The following MTUS1 variants were observed in gnomAD, a reference collection of about 807,000 sequenced individuals.
MTUS1 encodes the protein microtubule-associated tumor suppressor 1.
MTUS1 carries 109 observed loss-of-function variants against 120.8 expected under a neutral mutation model. That is an observed-to-expected ratio of 0.90 (90% CI 0.77 to 1.06). The LOEUF (loss-of-function observed/expected upper bound fraction) is 1.06. Among genes scored for constraint, MTUS1 ranks in the 50% least tolerant of loss-of-function variants. The pLI, the probability that MTUS1 is intolerant of heterozygous loss-of-function variation, is 0.00. For synonymous variants in MTUS1, 737 were observed against 550.5 expected (o/e 1.34, Z -4.74); for missense variants, 2,210 against 1,486.3 (o/e 1.49, Z -8.01).
chr8:17,793,960 T>A (rs1202679247), intron 1 of MTUS1, among the ~76,000 whole-genome samples: 1 of 151,846 alleles, frequency 6.6e-6, no homozygotes, highest in African/African-American at 2.4e-5. Context: ...AGAAAAGAGG[T>A]CAAATTCTTT....
intron 10 of MTUS1, 98 bp downstream of exon 10, chr8:17,654,463 T>G: frequency 1.1e-6 from 1 of 889,996 alleles, no homozygotes; most frequent in South Asian, 1.5e-5. Flanking sequence ...CCACAGGGCA[T>G]TCGCTGAAGC....
intron 3 of MTUS1, among the ~76,000 whole-genome samples, chr8:17,740,074 G>A (rs890435184): frequency 1.3e-5 from 2 of 152,134 alleles, no homozygotes; most frequent in African/African-American, 4.8e-5. Context: ...GGGCGTGGTG[G>A]TGGGTGCCTG....
At chr8:17,655,523 AGACCAGCCT>A (rs1157199951) in intron 9 of MTUS1, among the ~76,000 whole-genome samples, 1 of 152,164 alleles carries the variant, frequency 6.6e-6, no homozygotes, top group East Asian at 1.9e-4. Context: ...TGGGAGTTTG[AGACCAGCCT>A]GGCCAACATG....
At chr8:17,759,537 G>A (rs908293272) in intron 1 of MTUS1, among the ~76,000 whole-genome samples, 1 of 149,514 alleles carries the variant, frequency 6.7e-6, no homozygotes, top group African/African-American at 2.4e-5. Context: ...TTGCCAAATT[G>A]CTATATTTAA....
At chr8:17,665,423 G>T (rs1448961372) in intron 8 of MTUS1, among the ~76,000 whole-genome samples, 5 of 152,178 alleles carry the variant, frequency 3.3e-5, no homozygotes, top group African/African-American at 1.2e-4. Context: ...TTCATTTAAT[G>T]TAACAATGCT....
At chr8:17,698,145 C>G (rs400729) in intron 6 of MTUS1, among the ~76,000 whole-genome samples, 6 of 152,112 alleles carry the variant, frequency 3.9e-5, no homozygotes, top group Non-Finnish European at 7.4e-5. Context: ...AAGATTAATA[C>G]GGTTTCTCTA....
chr8:17,734,035 C>T (rs115836276), intron 3 of MTUS1, among the ~76,000 whole-genome samples: 1,907 of 152,286 alleles, frequency 0.013, 36 homozygotes, highest in African/African-American at 0.043. Context: ...TTTGTAATTA[C>T]ACCCTCTTCC....
At chr8:17,678,919 C>T (rs1291617672) in intron 7 of MTUS1, among the ~76,000 whole-genome samples, 3 of 151,952 alleles carry the variant, frequency 2.0e-5, no homozygotes, top group East Asian at 1.9e-4. Context: ...TGCAGAATAC[C>T]GTCTAACTAA....
chr8:17,761,506 T>C (rs965890627), intron 1 of MTUS1, among the ~76,000 whole-genome samples: 3 of 152,186 alleles, frequency 2.0e-5, no homozygotes, highest in African/African-American at 4.8e-5. Flanking sequence ...GATTATACAA[T>C]AGCTGTGTGC....
intron 1 of MTUS1, among the ~76,000 whole-genome samples, chr8:17,772,040 C>A (rs1156321495): frequency 6.6e-6 from 1 of 152,188 alleles, no homozygotes; most frequent in Non-Finnish European, 1.5e-5. Flanking sequence ...TAAGATGACA[C>A]AATGATTTAG....
chr8:17,704,172 C>T (rs1372180688), intron 6 of MTUS1: 1 of 152,144 alleles, frequency 6.6e-6, no homozygotes, highest in African/African-American at 2.4e-5. Flanking sequence ...ATCCTGATTT[C>T]AATTATTTTG....
chr8:17,751,437 A>T (rs1036119227), intron 2 of MTUS1, among the ~76,000 whole-genome samples: 1 of 152,214 alleles, frequency 6.6e-6, no homozygotes, highest in African/African-American at 2.4e-5. Flanking sequence ...AGCTCTCTAC[A>T]GTAAGTGCAA....
chr8:17,794,934 T>C (rs1586453715), intron 1 of MTUS1, among the ~76,000 whole-genome samples: 1 of 152,198 alleles, frequency 6.6e-6, no homozygotes, highest in African/African-American at 2.4e-5. Context: ...CAGTTTCAAC[T>C]TCGTATCATT....
chr8:17,676,178 G>T, intron 7 of MTUS1: 1 of 692,038 alleles, frequency 1.4e-6, no homozygotes, highest in Non-Finnish European at 2.6e-6. Context: ...GCAGGCAAGA[G>T]TTGCTTGTCA....
At chr8:17,702,355 T>C (rs1475270003) in intron 6 of MTUS1, among the ~76,000 whole-genome samples, 1 of 152,216 alleles carries the variant, frequency 6.6e-6, no homozygotes, top group Non-Finnish European at 1.5e-5. Context: ...TTTCTGTCCA[T>C]CCACTTATTT....
chr8:17,684,414 A>C lies in MTUS1; in HGVS notation c.2752T>G (p.Phe918Val). Residue 918 changes from phenylalanine (F) to valine (V), a missense_variant, in exon 7 of 15, where the codon TTT (phenylalanine) becomes GTT (valine). Phe to Val is a conservative substitution (Grantham distance 50). Transcript: ENST00000693296. ...AGAAGCTGCTTGAGCTGCAGGATAAATCCACTTTGGTTTTCACATTTTGTT... is the reference window on the plus strand; with the variant it reads ...AGAAGCTGCTTGAGCTGCAGGATAACTCCACTTTGGTTTTCACATTTTGTT... ...YKTKCENQSG[F>V]ILQLKQLLAC... 6.2e-7 allele frequency: 1 copy of C among 1,614,196 alleles called. No homozygotes were observed. The highest frequency in any genetic ancestry group is 8.5e-7 in the Non-Finnish European group (1 of 1,180,032).
At chr8:17,779,479 T>A (rs1304484698) in intron 1 of MTUS1, among the ~76,000 whole-genome samples, 1 of 152,252 alleles carries the variant, frequency 6.6e-6, no homozygotes, top group African/African-American at 2.4e-5. Context: ...TTTAAAAGAT[T>A]TGTTGTATTT....
intron 1 of MTUS1, among the ~76,000 whole-genome samples, chr8:17,788,319 A>G (rs2051479546): frequency 6.6e-6 from 1 of 152,220 alleles, no homozygotes; most frequent in Non-Finnish European, 1.5e-5. Context: ...ATTCTGAGAC[A>G]TATTCATGAA....
At chr8:17,670,678 C>G (rs989377434) in intron 8 of MTUS1, among the ~76,000 whole-genome samples, 26 of 152,156 alleles carry the variant, frequency 1.7e-4, no homozygotes, top group African/African-American at 6.3e-4. Context: ...CAAAAATTAG[C>G]CCAGCATGGT....
Sources: allele counts gnomAD v4.1 joint callset (sites outside exome capture counted in the v4.1 genomes callset), GRCh38; gene constraint gnomAD v4.1.1; transcripts MANE v1.5; gene names NCBI Gene and HGNC (gene_info 2026-07-23, HGNC 2026-07-21).